DCDC1: variants seen among roughly 807,000 people sequenced by gnomAD.
DCDC1 encodes doublecortin domain containing 1.
A neutral mutation model predicts 178.3 loss-of-function variants in DCDC1; 200 were observed. The observed-to-expected ratio is 1.12, with a 90% confidence interval of 1.00 to 1.26. The LOEUF is 1.26. Among genes scored for constraint, DCDC1 ranks in the 50% most tolerant of loss-of-function variants. The pLI is 0.00. For synonymous variants in DCDC1, 690 were observed against 604.8 expected, an observed-to-expected ratio of 1.14 and a Z score of -2.07; for missense variants, 1,983 against 1,749.2, an observed-to-expected ratio of 1.13 and a Z score of -2.38.
intron 20 of DCDC1, among the ~76,000 whole-genome samples, chr11:31,052,325 C>T (rs1342898995): frequency 6.6e-6 from 1 of 152,128 alleles, no homozygotes; most frequent in Non-Finnish European, 1.5e-5. Context: ...ATATATGCAC[C>T]TAACACTGGA....
chr11:31,064,608 T>C lies in DCDC1; in HGVS notation c.2452A>G (p.Ser818Gly), dbSNP rs773968138. ...GGCAGTTGCTTCAGACCAAGGTTGC[T>C]GGCACTTTCTTGCAGAACCTAATAA... is the stretch of plus-strand genomic sequence containing the variant. Reference protein sequence around the residue: ...LAEEVLQESASNLGLKQLPEP... With the variant: ...LAEEVLQESAGNLGLKQLPEP... The change falls in exon 20 of 39, where the codon AGC becomes GGC. Residue 818 changes from serine (S) to glycine (G), a missense_variant. Ser to Gly is a moderately conservative substitution (Grantham distance 56). Transcript: ENST00000684477. The C allele has an allele frequency of 1.3e-6, 1 of 765,760 alleles. No individual in the cohort carries two copies. The highest frequency in any genetic ancestry group is 1.3e-5 in the South Asian group (1 of 74,578). 47.4% of individuals were successfully genotyped at this position (765,760 alleles called of 1,614,324 possible). A position where few individuals can be genotyped will look rare whatever the true frequency, so the allele number is the denominator to read the frequency against.
intron 1 of DCDC1, among the ~76,000 whole-genome samples, chr11:31,348,722 C>A (rs968108255): frequency 2.0e-5 from 3 of 152,112 alleles, no homozygotes; most frequent in Non-Finnish European, 4.4e-5. Flanking sequence ...CACACTCAAC[C>A]TTACTAGGAG....
At chr11:31,012,648 T>C (rs1276398961) in intron 20 of DCDC1, among the ~76,000 whole-genome samples, 2 of 149,020 alleles carry the variant, frequency 1.3e-5, no homozygotes, top group Non-Finnish European at 3.0e-5. Flanking sequence ...AAATAGAAAA[T>C]CTCCACTAAC....
chr11:31,107,430 T>C (rs980836634), intron 12 of DCDC1, among the ~76,000 whole-genome samples: 5 of 152,120 alleles, frequency 3.3e-5, no homozygotes, highest in African/African-American at 1.2e-4. Context: ...TAAAATGACT[T>C]TTAGCCTAAG....
At chr11:30,917,395 A>G (rs938652770) in intron 25 of DCDC1, among the ~76,000 whole-genome samples, 4 of 152,206 alleles carry the variant, frequency 2.6e-5, no homozygotes, top group African/African-American at 4.8e-5. Context: ...TAATTGGGTC[A>G]TAATTCTGAC....
At chr11:31,209,281 G>C (rs574527567) in intron 9 of DCDC1, among the ~76,000 whole-genome samples, 2 of 152,186 alleles carry the variant, frequency 1.3e-5, no homozygotes, top group Non-Finnish European at 2.9e-5. Context: ...AGTTAAGTAC[G>C]TTCCCTCCGA....
At chr11:30,867,070 C>T (rs576468347) in intron 38 of DCDC1, among the ~76,000 whole-genome samples, 13 of 152,278 alleles carry the variant, frequency 8.5e-5, no homozygotes, top group South Asian at 2.1e-4. Flanking sequence ...TTGGGTTGGG[C>T]ATCCAAATGT....
At chr11:31,332,959 C>G (rs1408139868) in intron 2 of DCDC1, among the ~76,000 whole-genome samples, 1 of 152,156 alleles carries the variant, frequency 6.6e-6, no homozygotes, top group East Asian at 1.9e-4. Context: ...TCTCATTGAT[C>G]TGTCTAATAC....
intron 20 of DCDC1, among the ~76,000 whole-genome samples, chr11:31,013,489 G>A (rs1407802440): frequency 6.6e-6 from 1 of 152,058 alleles, no homozygotes; most frequent in African/African-American, 2.4e-5. Context: ...CACTACTTCA[G>A]AACTTAAAAA....
intron 7 of DCDC1, among the ~76,000 whole-genome samples, chr11:31,279,848 A>G (rs759731967): frequency 9.9e-5 from 15 of 152,044 alleles, no homozygotes; most frequent in African/African-American, 1.4e-4. Flanking sequence ...AACAAACCTG[A>G]ACGTTCTGCA....
At position 30,865,339 on chromosome 11, in the gene DCDC1, G is replaced by C. The variant is rs1273560554; in HGVS notation, c.*41-7C>G. ...GTAAAGAAAGTTTTCTTTCCTGTAA[G>C]GTAGAGAGAGAAACAAATCTATATA... On this transcript the variant is annotated splice_polypyrimidine_tract_variant and splice_region_variant and intron_variant, in intron 38 of 38. Transcript: ENST00000684477. 4 of 152,054 alleles carry C rather than the reference G, an allele frequency of 2.6e-5. No individual in the cohort carries two copies. Among genetic ancestry groups the C allele is most frequent in the Admixed American group, 2.0e-4 (3 of 15,252 alleles). The allele number at this position is 152,054 out of a possible 1,614,324, so 9.4% of individuals were successfully genotyped here.
intron 14 of DCDC1, among the ~76,000 whole-genome samples, chr11:31,102,634 G>T (rs958889365): frequency 1.3e-4 from 20 of 152,312 alleles, no homozygotes; most frequent in African/African-American, 4.8e-4. Flanking sequence ...GGTTGTTATA[G>T]CTAGGTGGGA....
At chr11:30,899,146 A>C (rs895065477) in intron 34 of DCDC1, among the ~76,000 whole-genome samples, 1 of 152,054 alleles carries the variant, frequency 6.6e-6, no homozygotes, top group African/African-American at 2.4e-5. Flanking sequence ...AAAACAAAAA[A>C]AAAAACTTCT....
At chr11:31,190,824 CT>C (rs1471677016) in intron 9 of DCDC1, among the ~76,000 whole-genome samples, 3 of 151,948 alleles carry the variant, frequency 2.0e-5, no homozygotes, top group Non-Finnish European at 2.9e-5. Context: ...TTTGTGATTT[CT>C]TTTTTTCTAT....
intron 17 of DCDC1, among the ~76,000 whole-genome samples, chr11:31,079,846 T>G (rs1957074067): frequency 6.6e-6 from 1 of 151,894 alleles, no homozygotes; most frequent in African/African-American, 2.4e-5. Flanking sequence ...GATGTCAAAA[T>G]TGGGAAAAGA....
At chr11:31,234,507 C>T (rs549537181) in intron 9 of DCDC1, among the ~76,000 whole-genome samples, 3 of 152,246 alleles carry the variant, frequency 2.0e-5, no homozygotes, top group African/African-American at 4.8e-5. Context: ...TCAGACTTCT[C>T]AAGAACCAAA....
Position 31,176,763 on chromosome 11 carries a change from G to GA in DCDC1, c.1222-38980dup, listed in dbSNP as rs547022990. On this transcript the variant is annotated intron_variant, in intron 9 of 38. Coordinates refer to ENST00000684477, the MANE Select transcript of DCDC1 (RefSeq NM_001387274.1). ...GGATAATACATTCAAAGTTCTGAAGGAAAAAAAATACTCAGCAAAGAATAC... is the reference window on the plus strand; with the variant it reads ...GGATAATACATTCAAAGTTCTGAAGGAAAAAAAAATACTCAGCAAAGAATAC... 2.5e-4 allele frequency among the ~76,000 whole-genome samples: 38 copies of GA among 150,584 alleles called. No homozygotes were observed. The South Asian group carries it at 5.4e-3, about 21-fold the overall frequency.
chr11:31,137,010 G>T (rs1342812815), intron 10 of DCDC1, among the ~76,000 whole-genome samples: 5 of 152,050 alleles, frequency 3.3e-5, no homozygotes, highest in Admixed American at 2.0e-4. Flanking sequence ...TCTATTCTTA[G>T]AAAACCAGAT....
At position 31,309,515 on chromosome 11, in the gene DCDC1, C is replaced by T. The variant is rs528216573; in HGVS notation, c.165-1607G>A. The stretch of plus-strand genomic sequence containing the variant: ...GCAGCAATAGCAATGGAGCTTCACA[C>T]GGTTACCAAGCTCTTCAACCTGGGG... On this transcript the variant is annotated intron_variant, in intron 3 of 38. Transcript: ENST00000684477. Among the ~76,000 whole-genome samples, 21 of 152,182 alleles carry T rather than the reference C, an allele frequency of 1.4e-4. No individual in the cohort carries two copies. In the Middle Eastern group the frequency reaches 0.01, roughly 74 times the overall value.
Sources: allele counts gnomAD v4.1 joint callset (sites outside exome capture counted in the v4.1 genomes callset), GRCh38; gene constraint gnomAD v4.1.1; transcripts MANE v1.5; gene names NCBI Gene and HGNC (gene_info 2026-07-23, HGNC 2026-07-21).